Variants in MPHOSPH9 observed in about 807,000 individuals in gnomAD.
MPHOSPH9 encodes the protein M-phase phosphoprotein 9.
A neutral mutation model predicts 145.5 loss-of-function variants in MPHOSPH9; 88 were observed. The ratio of observed to expected loss-of-function variants is 0.60; its 90% CI spans 0.51 to 0.72. The LOEUF (loss-of-function observed/expected upper bound fraction) is 0.72. Ranked by LOEUF, MPHOSPH9 falls within the 30% of genes least tolerant of loss-of-function variation. The pLI is 0.00. For synonymous variants in MPHOSPH9, 435 were observed against 486.2 expected (o/e 0.89, Z 1.39); for missense variants, 1,238 against 1,386.6 (o/e 0.89, Z 1.70).
intron 13 of MPHOSPH9, among the ~76,000 whole-genome samples, chr12:123,187,264 A>G (rs1373582838): frequency 6.6e-6 from 1 of 152,238 alleles, no homozygotes; most frequent in Non-Finnish European, 1.5e-5. Context: ...CTGTCTCAAA[A>G]AAAAAGAACG....
At chr12:123,240,529 T>A in intron 1 of MPHOSPH9, 1 of 152,038 alleles carries the variant, frequency 6.6e-6, no homozygotes, top group African/African-American at 2.4e-5. Flanking sequence ...TCCGCACCTG[T>A]TCCTTCAGTT....
At position 123,156,846 on chromosome 12, in the gene MPHOSPH9, T is replaced by A; in HGVS notation, c.3513A>T (p.Leu1171=). The part of the protein sequence containing the change: ...NRELGSVRMT[L]KKFHVLRTSA... ...AGGTGCGCAAAACATGGAATTTCTTTAGCGTCATGCGAACTGAACCCAGTT... is the reference window on the plus strand; with the variant it reads ...AGGTGCGCAAAACATGGAATTTCTTAAGCGTCATGCGAACTGAACCCAGTT... Residue 1171 remains leucine, a synonymous_variant, in exon 24 of 24, where the codon CTA becomes CTT. Transcript: ENST00000606320. 1.2e-6 allele frequency: 2 copies of A among 1,612,688 alleles called. No homozygotes were observed. The highest frequency in any genetic ancestry group is 1.3e-5 in the African/African-American group (1 of 75,038).
In MPHOSPH9 at chr12:123,155,017, T is replaced by C. The variant is rs528672436; in HGVS notation, c.*1790A>G. 137 of 147,184 alleles carry C rather than the reference T, an allele frequency of 9.3e-4. No homozygotes were observed. Among genetic ancestry groups the C allele is most frequent in the Non-Finnish European group, 1.6e-3 (105 of 66,972 alleles). 9.1% of individuals were successfully genotyped at this position (147,184 alleles called of 1,614,324 possible). A position where few individuals can be genotyped will look rare whatever the true frequency, so the allele number is the denominator to read the frequency against. ...TAAAAAAAAAAAAAAGATATATACA[T>C]ACACACACACACATAGACATATACA... On this transcript the variant is annotated 3_prime_UTR_variant, in exon 24 of 24. Coordinates refer to ENST00000606320, the MANE Select transcript of MPHOSPH9 (RefSeq NM_022782.4).
intron 2 of MPHOSPH9, among the ~76,000 whole-genome samples, chr12:123,229,752 T>C (rs1478898911): frequency 6.6e-6 from 1 of 151,570 alleles, no homozygotes; most frequent in Non-Finnish European, 1.5e-5. Context: ...CAAAAGTACA[T>C]ATCTCTGAGA....
intron 16 of MPHOSPH9, among the ~76,000 whole-genome samples, chr12:123,175,461 A>G (rs2044808895): frequency 6.6e-6 from 1 of 151,990 alleles, no homozygotes; most frequent in Non-Finnish European, 1.5e-5. Flanking sequence ...CCAAGATCCA[A>G]CTCTTGATCA....
intron 15 of MPHOSPH9, among the ~76,000 whole-genome samples, chr12:123,178,452 G>A (rs1481371540): frequency 1.3e-5 from 2 of 152,164 alleles, no homozygotes; most frequent in African/African-American, 4.8e-5. Context: ...CTAAATAAGG[G>A]ACGTTACTTA....
chr12:123,231,383 G>A (rs1215023473), intron 1 of MPHOSPH9, among the ~76,000 whole-genome samples: 1 of 152,156 alleles, frequency 6.6e-6, no homozygotes, highest in Non-Finnish European at 1.5e-5. Context: ...GACTTATACA[G>A]AGACAAGAAG....
intron 7 of MPHOSPH9, among the ~76,000 whole-genome samples, chr12:123,211,368 G>T (rs561048062): frequency 6.5e-4 from 98 of 151,152 alleles, no homozygotes; most frequent in African/African-American, 2.2e-3. Flanking sequence ...TGATCCTCCC[G>T]CCCCGGCCTC....
chr12:123,221,020 A>C (rs2047176686), intron 5 of MPHOSPH9, among the ~76,000 whole-genome samples: 1 of 152,216 alleles, frequency 6.6e-6, no homozygotes. Context: ...GCGCCACTGC[A>C]CTCCAGCCTG....
At chr12:123,187,022 G>A (rs1439753999) in intron 13 of MPHOSPH9, among the ~76,000 whole-genome samples, 1 of 152,174 alleles carries the variant, frequency 6.6e-6, no homozygotes, top group Non-Finnish European at 1.5e-5. Flanking sequence ...ACCTTGGGAG[G>A]CTGAGGCGGG....
rs553771192 is a variant in MPHOSPH9 at position 123,184,503 on chromosome 12, T to A, written c.2242-3293A>T. On this transcript the variant is annotated intron_variant, in intron 13 of 23. Transcript: ENST00000606320. ...TACTGCTTCGCTTTAATTTAATTTT[T>A]TTTTTTTTTCTTGAGATGGAGTCTT... is the stretch of plus-strand genomic sequence containing the variant. Among the ~76,000 whole-genome samples the A allele has an allele frequency of 1.8e-4, 27 of 152,106 alleles. 1 individual carries two copies. The highest frequency in any genetic ancestry group is 6.5e-4 in the African/African-American group (27 of 41,496).
At chr12:123,224,444 A>G (rs2047356512) in intron 3 of MPHOSPH9, among the ~76,000 whole-genome samples, 1 of 151,480 alleles carries the variant, frequency 6.6e-6, no homozygotes, top group Non-Finnish European at 1.5e-5. Context: ...GAATTTTCAT[A>G]TTTTTTAGTA....
intron 6 of MPHOSPH9, among the ~76,000 whole-genome samples, chr12:123,215,330 G>A (rs1328151924): frequency 6.6e-6 from 1 of 150,670 alleles, no homozygotes; most frequent in Non-Finnish European, 1.5e-5. Flanking sequence ...TTTTTTGCCT[G>A]TGTAATTTAC....
intron 13 of MPHOSPH9, among the ~76,000 whole-genome samples, chr12:123,192,002 C>T (rs957477239): frequency 1.8e-4 from 27 of 151,872 alleles, no homozygotes; most frequent in African/African-American, 6.3e-4. Context: ...GGACCTGTCT[C>T]TAAAGGCAAA....
At chr12:123,165,015 C>A (rs75055379) in intron 18 of MPHOSPH9, among the ~76,000 whole-genome samples, 342 of 83,074 alleles carry the variant, frequency 4.1e-3, no homozygotes, top group South Asian at 8.7e-3. Flanking sequence ...CTCACTGTCT[C>A]AAAAAAAAAA....
At chr12:123,202,516 G>T in intron 10 of MPHOSPH9, 108 bp downstream of exon 10, 2 of 1,263,510 alleles carry the variant, frequency 1.6e-6, no homozygotes, top group Non-Finnish European at 2.1e-6. Flanking sequence ...TCTTAAAAAT[G>T]CTAAATCTCT....
In MPHOSPH9 at chr12:123,221,481, C is replaced by T; in HGVS notation, c.763G>A (p.Glu255Lys). 6.2e-7 allele frequency: 1 copy of T among 1,613,998 alleles called. No homozygotes were observed. The highest frequency in any genetic ancestry group is 8.5e-7 in the Non-Finnish European group (1 of 1,179,860). Reference sequence around the variant, plus strand: ...TCTTCCTTTAAAGACACATGACACTCTTCAGGAGTCTGTATATAAAAATTC... The same window carrying T: ...TCTTCCTTTAAAGACACATGACACTTTTCAGGAGTCTGTATATAAAAATTC... ...NENFYIQTPEECHVSLKEDVS... is the reference protein window; with the variant it reads ...NENFYIQTPEKCHVSLKEDVS... The change falls in exon 5 of 24, where the codon GAG becomes AAG. Residue 255 changes from glutamate to lysine, a missense_variant. Transcript: ENST00000606320.
intron 6 of MPHOSPH9, 128 bp downstream of exon 6, chr12:123,218,248 A>AC (rs1207783871): frequency 1.5e-6 from 2 of 1,371,642 alleles, no homozygotes; most frequent in African/African-American, 2.9e-5. Context: ...AACAACAACA[A>AC]AAAAAATGTA....
intron 6 of MPHOSPH9, 80 bp downstream of exon 6, chr12:123,218,296 A>G (rs2047055321): frequency 6.5e-7 from 1 of 1,539,160 alleles, no homozygotes; most frequent in Non-Finnish European, 8.8e-7. Flanking sequence ...AAAGGGCACA[A>G]GAGTTTTGTT....
Sources: allele counts gnomAD v4.1 joint callset (sites outside exome capture counted in the v4.1 genomes callset), GRCh38; gene constraint gnomAD v4.1.1; transcripts MANE v1.5; gene names NCBI Gene and HGNC (gene_info 2026-07-23, HGNC 2026-07-21).